CCDC85A: variants seen among roughly 807,000 people sequenced by gnomAD.
The protein encoded by CCDC85A is coiled-coil domain containing 85A, also known as coiled-coil domain-containing protein 85A.
In CCDC85A, 38 loss-of-function variants were observed where a neutral mutation model predicts 50.2. The observed-to-expected ratio is 0.76, with a 90% confidence interval of 0.58 to 0.99. The LOEUF (loss-of-function observed/expected upper bound fraction) is 0.99. Among genes scored for constraint, CCDC85A ranks in the 50% least tolerant of loss-of-function variants. The probability of loss-of-function intolerance (pLI) is 0.00; values close to 1 mark genes in which losing one functional copy is unlikely to be tolerated. For missense variants in CCDC85A, 820 were observed against 742.0 expected (o/e 1.11, Z -1.22); for synonymous variants, 366 against 301.4 (o/e 1.21, Z -2.22).
At chr2:56,278,646 T>C (rs1671070742) in intron 2 of CCDC85A, among the ~76,000 whole-genome samples, 1 of 152,124 alleles carries the variant, frequency 6.6e-6, no homozygotes, top group Non-Finnish European at 1.5e-5. Flanking sequence ...CAATCTCGGC[T>C]CACTGCAACC....
intron 3 of CCDC85A, among the ~76,000 whole-genome samples, chr2:56,355,031 C>T (rs188202590): frequency 6.6e-6 from 1 of 152,248 alleles, no homozygotes; most frequent in East Asian, 1.9e-4. Flanking sequence ...GGAGCTGTTC[C>T]CCCATCAGGT....
intron 2 of CCDC85A, among the ~76,000 whole-genome samples, chr2:56,311,623 G>C (rs1672696200): frequency 6.6e-6 from 1 of 152,052 alleles, no homozygotes; most frequent in Admixed American, 6.6e-5. Context: ...CTTTGCAGTG[G>C]AGAGAAAGTA....
chr2:56,330,996 A>T (rs1208133863), intron 2 of CCDC85A, among the ~76,000 whole-genome samples: 1 of 151,728 alleles, frequency 6.6e-6, no homozygotes, highest in Non-Finnish European at 1.5e-5. Context: ...TGGATGATTG[A>T]ATAAAGGAAA....
intron 2 of CCDC85A, among the ~76,000 whole-genome samples, chr2:56,328,112 C>T (rs1673569129): frequency 1.3e-5 from 2 of 152,136 alleles, no homozygotes; most frequent in South Asian, 4.1e-4. Flanking sequence ...CACTCTGTCA[C>T]TGTGCATAAT....
chr2:56,221,335 T>G (rs2103907355), intron 2 of CCDC85A, among the ~76,000 whole-genome samples: 1 of 152,152 alleles, frequency 6.6e-6, no homozygotes, highest in South Asian at 2.1e-4. Context: ...TTAACCGACT[T>G]AACAGATTAA....
intron 2 of CCDC85A, among the ~76,000 whole-genome samples, chr2:56,341,274 G>A (rs966449875): frequency 1.3e-5 from 2 of 152,146 alleles, no homozygotes; most frequent in African/African-American, 4.8e-5. Context: ...ATCTTACTGG[G>A]GAAGTGGTAA....
chr2:56,345,401 A>C (rs1674587034), intron 3 of CCDC85A, among the ~76,000 whole-genome samples: 1 of 152,216 alleles, frequency 6.6e-6, no homozygotes, highest in Admixed American at 6.5e-5. Flanking sequence ...TATTTGTCAA[A>C]GTAATTTAGT....
intron 2 of CCDC85A, among the ~76,000 whole-genome samples, chr2:56,331,837 A>G (rs1330958255): frequency 6.6e-6 from 1 of 152,236 alleles, no homozygotes; most frequent in Non-Finnish European, 1.5e-5. Flanking sequence ...CGTTATAATT[A>G]TACAGGGCAA....
At chr2:56,331,715 C>G (rs1273622357) in intron 2 of CCDC85A, among the ~76,000 whole-genome samples, 1 of 152,000 alleles carries the variant, frequency 6.6e-6, no homozygotes, top group Non-Finnish European at 1.5e-5. Context: ...CTAAATGAAA[C>G]AAAAATCACT....
intron 2 of CCDC85A, among the ~76,000 whole-genome samples, chr2:56,234,161 C>T (rs1008177634): frequency 3.9e-5 from 6 of 152,186 alleles, no homozygotes; most frequent in Non-Finnish European, 7.3e-5. Context: ...AGTGCTGCAT[C>T]ACTGCTTTCA....
At chr2:56,351,182 T>C (rs1674914123) in intron 3 of CCDC85A, among the ~76,000 whole-genome samples, 1 of 151,850 alleles carries the variant, frequency 6.6e-6, no homozygotes, top group Non-Finnish European at 1.5e-5. Context: ...GGACATGAAC[T>C]CATCATTTTT....
chr2:56,272,695 C>T (rs141109581), intron 2 of CCDC85A, among the ~76,000 whole-genome samples: 2 of 152,126 alleles, frequency 1.3e-5, no homozygotes, highest in Non-Finnish European at 1.5e-5. Flanking sequence ...AATATTAGCA[C>T]CTTGAGAAAG....
chr2:56,185,303 C>T (rs1286382858), intron 1 of CCDC85A, among the ~76,000 whole-genome samples: 1 of 152,124 alleles, frequency 6.6e-6, no homozygotes, highest in Non-Finnish European at 1.5e-5. Flanking sequence ...GTCGGGAATG[C>T]GGCTGCTCTG....
intron 5 of CCDC85A, chr2:56,383,803 G>A (rs1676702485): frequency 6.6e-6 from 6 of 913,544 alleles, no homozygotes; most frequent in Non-Finnish European, 7.9e-6. Context: ...TGTTATGGAT[G>A]TATAATATAG....
intron 2 of CCDC85A, among the ~76,000 whole-genome samples, chr2:56,255,803 C>T (rs962368185): frequency 6.6e-6 from 1 of 151,864 alleles, no homozygotes; most frequent in African/African-American, 2.4e-5. Context: ...GAGAATAAAT[C>T]CTGAACATGG....
At chr2:56,266,938 G>A (rs1341451554) in intron 2 of CCDC85A, among the ~76,000 whole-genome samples, 1 of 152,192 alleles carries the variant, frequency 6.6e-6, no homozygotes, top group Non-Finnish European at 1.5e-5. Flanking sequence ...GAGAAAAAGT[G>A]AGTAGCTGCC....
At chr2:56,265,743 CA>C (rs1670412038) in intron 2 of CCDC85A, among the ~76,000 whole-genome samples, 1 of 152,046 alleles carries the variant, frequency 6.6e-6, no homozygotes, top group African/African-American at 2.4e-5. Context: ...GGAGGTGCCT[CA>C]AAAAACTAAA....
intron 2 of CCDC85A, among the ~76,000 whole-genome samples, chr2:56,251,249 C>G (rs1159894867): frequency 1.3e-5 from 2 of 152,186 alleles, no homozygotes; most frequent in Non-Finnish European, 2.9e-5. Context: ...GCAGCAAATC[C>G]TTTGTGAGCC....
In CCDC85A at chr2:56,184,582, C is replaced by G. The variant is rs1675909621; in HGVS notation, c.-43C>G. On this transcript the variant is annotated 5_prime_UTR_variant, in exon 1 of 6. Transcript: ENST00000407595. ...CCGCGCCCGCGCCTTCGGGAGTCGC[C>G]TCGCCTCTTCCACCCACTTGCACCT... 9 of 1,375,394 alleles carry G rather than the reference C, an allele frequency of 6.5e-6. No homozygotes were observed. Among genetic ancestry groups the G allele is most frequent in the Non-Finnish European group, 8.4e-6 (9 of 1,075,770 alleles). The allele number at this position is 1,375,394 out of a possible 1,614,324, so 85.2% of individuals were successfully genotyped here. A position where few individuals can be genotyped will look rare whatever the true frequency, so the allele number is the denominator to read the frequency against.
Sources: allele counts gnomAD v4.1 joint callset (sites outside exome capture counted in the v4.1 genomes callset), GRCh38; gene constraint gnomAD v4.1.1; transcripts MANE v1.5; gene names NCBI Gene and HGNC (gene_info 2026-07-23, HGNC 2026-07-21).